FAF1: variants seen among roughly 807,000 people sequenced by gnomAD.
The protein encoded by FAF1 is FAS-associated factor 1.
FAF1 carries 25 observed loss-of-function variants against 92.5 expected under a neutral mutation model. The observed-to-expected ratio is 0.27, with a 90% CI of 0.20 to 0.38. FAF1 has a LOEUF of 0.38. Ranked by LOEUF, FAF1 falls within the 10% of genes least tolerant of loss-of-function variation. The pLI is 1.00. For missense variants in FAF1, 636 were observed against 793.3 expected (o/e 0.80, Z 2.38); for synonymous variants, 234 against 273.2 (o/e 0.86, Z 1.42).
intron 1 of FAF1, among the ~76,000 whole-genome samples, chr1:50,942,148 G>A (rs1458237681): frequency 6.6e-6 from 1 of 152,122 alleles, no homozygotes; most frequent in Non-Finnish European, 1.5e-5. Context: ...AAATTAGATG[G>A]CATATAACAA....
intron 7 of FAF1, among the ~76,000 whole-genome samples, chr1:50,658,188 C>A (rs1655211321): frequency 6.6e-6 from 1 of 151,714 alleles, no homozygotes; most frequent in Non-Finnish European, 1.5e-5. Context: ...AAAATAATTT[C>A]TTAAAACTAT....
At chr1:50,674,096 G>A (rs763048398) in intron 7 of FAF1, among the ~76,000 whole-genome samples, 6 of 151,970 alleles carry the variant, frequency 3.9e-5, no homozygotes, top group Non-Finnish European at 5.9e-5. Context: ...GGTTACAGGC[G>A]TCCGCCACCA....
intron 4 of FAF1, among the ~76,000 whole-genome samples, chr1:50,769,803 C>T (rs1660712458): frequency 6.6e-6 from 1 of 152,180 alleles, no homozygotes; most frequent in Non-Finnish European, 1.5e-5. Flanking sequence ...ATGATCCCAG[C>T]ACTTTGGGAA....
rs1359910494 is a variant in FAF1, at chr1:50,441,351, G to A, written c.*89C>T. 5.7e-5 allele frequency: 38 copies of A among 670,320 alleles called. No homozygotes were observed. The South Asian group carries it at 6.9e-4, about 12-fold the overall frequency. The allele number at this position is 670,320 out of a possible 1,614,324, so 41.5% of individuals were successfully genotyped here. On this transcript the variant is annotated 3_prime_UTR_variant, in exon 19 of 19. Transcript: ENST00000396153. ...AGTGTGACATTGAATTGAGTGAGACGAGCGTGTGGGTGGGTTGGCGAGGAG... is the reference window on the plus strand; with the variant it reads ...AGTGTGACATTGAATTGAGTGAGACAAGCGTGTGGGTGGGTTGGCGAGGAG...
intron 1 of FAF1, among the ~76,000 whole-genome samples, chr1:50,900,081 C>CA (rs1644784612): frequency 6.6e-6 from 1 of 152,032 alleles, no homozygotes. Flanking sequence ...TAGCATTTCT[C>CA]AAAAAATTTT....
chr1:50,925,993 G>T (rs139859900), intron 1 of FAF1, among the ~76,000 whole-genome samples: 144 of 152,272 alleles, frequency 9.5e-4, no homozygotes, highest in African/African-American at 3.3e-3. Context: ...AGGCAGGAGG[G>T]TCGCTTAAGG....
At chr1:50,464,270 G>T (rs147610450) in intron 18 of FAF1, among the ~76,000 whole-genome samples, 16 of 152,288 alleles carry the variant, frequency 1.1e-4, no homozygotes, top group African/African-American at 3.8e-4. Flanking sequence ...GCCTCTCAAA[G>T]AGTTGAGATT....
chr1:50,781,879 T>C (rs753494541), intron 4 of FAF1, among the ~76,000 whole-genome samples: 1 of 152,170 alleles, frequency 6.6e-6, no homozygotes, highest in Non-Finnish European at 1.5e-5. Context: ...ACAGTCATGC[T>C]CCTCATAACA....
chr1:50,850,948 A>G (rs977426028), intron 2 of FAF1, among the ~76,000 whole-genome samples: 1 of 152,236 alleles, frequency 6.6e-6, no homozygotes, highest in African/African-American at 2.4e-5. Flanking sequence ...TGACTTTGCT[A>G]CAATGATATT....
At chr1:50,823,722 G>C (rs557157480) in intron 2 of FAF1, among the ~76,000 whole-genome samples, 1 of 151,774 alleles carries the variant, frequency 6.6e-6, no homozygotes, top group Non-Finnish European at 1.5e-5. Flanking sequence ...AGGAATATCG[G>C]TTTGGGACAC....
chr1:50,626,314 A>G (rs1053245588), intron 8 of FAF1, among the ~76,000 whole-genome samples: 3 of 152,212 alleles, frequency 2.0e-5, no homozygotes, highest in Non-Finnish European at 4.4e-5. Flanking sequence ...ATAATGAACA[A>G]AAACAGACAT....
chr1:50,673,847 A>T (rs1270703114), intron 7 of FAF1, among the ~76,000 whole-genome samples: 1 of 152,238 alleles, frequency 6.6e-6, no homozygotes, highest in African/African-American at 2.4e-5. Context: ...ACCATCATCA[A>T]GTTCAATGCA....
chr1:50,452,146 C>T, intron 18 of FAF1: 1 of 1,349,318 alleles, frequency 7.4e-7, no homozygotes, highest in Non-Finnish European at 9.8e-7. Flanking sequence ...AATGAATATA[C>T]AAAGAACGAG....
chr1:50,638,335 TA>T (rs1654156366), intron 8 of FAF1, among the ~76,000 whole-genome samples: 1 of 152,188 alleles, frequency 6.6e-6, no homozygotes, highest in Admixed American at 6.5e-5. Context: ...ACTAGCAGTA[TA>T]ACATTGAATA....
intron 4 of FAF1, among the ~76,000 whole-genome samples, chr1:50,757,348 C>T (rs1042671283): frequency 7.2e-5 from 11 of 152,136 alleles, no homozygotes; most frequent in Non-Finnish European, 1.5e-4. Context: ...TTATCCATTC[C>T]TTACTTCAGT....
chr1:50,514,072 G>A (rs1399704237), intron 15 of FAF1, among the ~76,000 whole-genome samples: 1 of 152,144 alleles, frequency 6.6e-6, no homozygotes, highest in African/African-American at 2.4e-5. Context: ...AATTGTATGG[G>A]AAAAACAAAT....
intron 1 of FAF1, among the ~76,000 whole-genome samples, chr1:50,877,793 T>C (rs998676871): frequency 6.6e-6 from 1 of 152,186 alleles, no homozygotes; most frequent in African/African-American, 2.4e-5. Flanking sequence ...GTTGTGAAAG[T>C]TAATTATATA....
chr1:50,485,433 C>A (rs1646753000), intron 17 of FAF1, among the ~76,000 whole-genome samples: 1 of 151,784 alleles, frequency 6.6e-6, no homozygotes, highest in Non-Finnish European at 1.5e-5. Context: ...GAGGCCAAGG[C>A]AGGCAGATCA....
At chr1:50,488,728 A>T (rs1646795913) in intron 17 of FAF1, among the ~76,000 whole-genome samples, 1 of 152,190 alleles carries the variant, frequency 6.6e-6, no homozygotes, top group East Asian at 1.9e-4. Flanking sequence ...TCATTTTTGT[A>T]TGTGTAACTC....
Sources: allele counts gnomAD v4.1 joint callset (sites outside exome capture counted in the v4.1 genomes callset), GRCh38; gene constraint gnomAD v4.1.1; transcripts MANE v1.5; gene names NCBI Gene and HGNC (gene_info 2026-07-23, HGNC 2026-07-21).